Variants in CACNA2D3 observed in about 807,000 individuals in gnomAD.
CACNA2D3 encodes the protein voltage-dependent calcium channel subunit alpha-2/delta-3.
CACNA2D3 carries 60 observed loss-of-function variants against 160.6 expected under a neutral mutation model. That is an observed-to-expected ratio of 0.37 (90% CI 0.30 to 0.46). The LOEUF is 0.46. Ranked by LOEUF, CACNA2D3 falls within the 20% of genes least tolerant of loss-of-function variation. The probability of loss-of-function intolerance (pLI) is 1.00; values close to 1 mark genes in which losing one functional copy is unlikely to be tolerated. For synonymous variants in CACNA2D3, 558 were observed against 492.9 expected, an observed-to-expected ratio of 1.13 and a Z score of -1.75; for missense variants, 1,205 against 1,365.0, an observed-to-expected ratio of 0.88 and a Z score of 1.85.
chr3:54,935,084 T>C (rs1701296600), intron 27 of CACNA2D3, among the ~76,000 whole-genome samples: 2 of 152,184 alleles, frequency 1.3e-5, no homozygotes, highest in Admixed American at 1.3e-4. Flanking sequence ...GAACCTGTTT[T>C]CCATGAGAAG....
intron 35 of CACNA2D3, among the ~76,000 whole-genome samples, chr3:55,068,984 T>G (rs531811212): frequency 6.6e-6 from 1 of 152,342 alleles, no homozygotes; most frequent in East Asian, 1.9e-4. Flanking sequence ...GAGTATTCAT[T>G]TCTTCAGACT....
intron 27 of CACNA2D3, chr3:54,918,507 A>T (rs757337364): frequency 2.2e-5 from 36 of 1,613,794 alleles, no homozygotes. Flanking sequence ...CCTTCCCAGG[A>T]TCATTGGTTT....
chr3:54,437,189 G>A (rs1700074209), intron 4 of CACNA2D3, among the ~76,000 whole-genome samples: 1 of 152,156 alleles, frequency 6.6e-6, no homozygotes, highest in African/African-American at 2.4e-5. Context: ...ACTCTACATG[G>A]CATTCTGCAA....
intron 9 of CACNA2D3, among the ~76,000 whole-genome samples, chr3:54,585,050 A>G (rs886773951): frequency 9.2e-5 from 14 of 152,202 alleles, no homozygotes; most frequent in African/African-American, 3.4e-4. Flanking sequence ...GGAAATAAGG[A>G]AAGAAAGCTT....
chr3:54,667,248 T>C (rs1700084090), intron 11 of CACNA2D3, among the ~76,000 whole-genome samples: 1 of 152,170 alleles, frequency 6.6e-6, no homozygotes, highest in African/African-American at 2.4e-5. Context: ...AAATATAATG[T>C]TGGAACCCTA....
At chr3:54,493,496 T>C (rs1701149794) in intron 4 of CACNA2D3, among the ~76,000 whole-genome samples, 1 of 151,980 alleles carries the variant, frequency 6.6e-6, no homozygotes. Flanking sequence ...CCCCCACCTG[T>C]TTTTGTCTCT....
At chr3:54,527,182 T>C (rs188376215) in intron 5 of CACNA2D3, among the ~76,000 whole-genome samples, 18 of 152,354 alleles carry the variant, frequency 1.2e-4, no homozygotes, top group East Asian at 5.8e-4. Context: ...CTTACCAGCC[T>C]ACAGTTTAGA....
rs149271740 is a variant in CACNA2D3, at chr3:54,634,172, A to G, written c.1053+6296A>G. ...TCATTCACCAGTGGCCAGCCAGCAA[A>G]GCCAAGAGTAGCCACCATCCCTCCC... On this transcript the variant is annotated intron_variant, in intron 10 of 37. Transcript: ENST00000474759. Among the ~76,000 whole-genome samples the G allele has an allele frequency of 4.3e-4, 65 of 152,312 alleles. 1 individual carries two copies. In the East Asian group the frequency reaches 0.012, roughly 29 times the overall value.
In CACNA2D3 at chr3:54,736,037, A is replaced by ATG. The variant is rs1270406968; in HGVS notation, c.1168-16561_1168-16560insGT. Among the ~76,000 whole-genome samples, 44 of 47,178 alleles carry ATG rather than the reference A, an allele frequency of 9.3e-4. 1 individual carries two copies. The highest frequency in any genetic ancestry group is 2.8e-3 in the East Asian group (8 of 2,828). The allele number at this position is 47,178 out of a possible 152,430, so 31.0% of individuals were successfully genotyped here. On this transcript the variant is annotated intron_variant, in intron 11 of 37. Coordinates refer to ENST00000474759, the MANE Select transcript of CACNA2D3 (RefSeq NM_018398.3). ...TATATACACATACATATATATATGT[A>ATG]TATATATACACATACATATGTATGT...
At chr3:54,185,387 G>A (rs1477586428) in intron 2 of CACNA2D3, among the ~76,000 whole-genome samples, 1 of 151,984 alleles carries the variant, frequency 6.6e-6, no homozygotes, top group Non-Finnish European at 1.5e-5. Flanking sequence ...CACATTAAGG[G>A]CTCTTAGAAG....
rs527351754 is a variant in CACNA2D3 at position 55,033,820 on chromosome 3, A to C, written c.2987+15503A>C. Among the ~76,000 whole-genome samples the C allele has an allele frequency of 5.5e-4, 56 of 102,384 alleles. 4 individuals carry two copies. The South Asian group carries it at 0.015, about 27-fold the overall frequency. 67.2% of individuals were successfully genotyped at this position (102,384 alleles called of 152,430 possible). On this transcript the variant is annotated intron_variant, in intron 35 of 37. Transcript: ENST00000474759. ...TTTATATAATATGTATTATATATTA[A>C]ATATATTTAATATATAATATATATT...
intron 2 of CACNA2D3, among the ~76,000 whole-genome samples, chr3:54,271,285 C>G (rs1364714484): frequency 1.3e-5 from 2 of 152,046 alleles, no homozygotes; most frequent in Non-Finnish European, 2.9e-5. Flanking sequence ...ACTCTGCCTT[C>G]CGCTCACAGA....
chr3:54,574,146 G>A (rs1285168529), intron 8 of CACNA2D3, among the ~76,000 whole-genome samples: 2 of 152,076 alleles, frequency 1.3e-5, no homozygotes, highest in Non-Finnish European at 2.9e-5. Context: ...TCCTTTGCTT[G>A]CCGGGTAGAT....
intron 3 of CACNA2D3, among the ~76,000 whole-genome samples, chr3:54,332,364 C>T (rs1052312270): frequency 6.6e-6 from 1 of 152,198 alleles, no homozygotes; most frequent in African/African-American, 2.4e-5. Flanking sequence ...GAGTTGTTAG[C>T]ATTTAAAAAG....
intron 11 of CACNA2D3, among the ~76,000 whole-genome samples, chr3:54,719,588 CAG>C: frequency 6.6e-6 from 1 of 152,102 alleles, no homozygotes; most frequent in East Asian, 1.9e-4. Context: ...TGTGTCAAGA[CAG>C]ATACTGGTCT....
intron 12 of CACNA2D3, among the ~76,000 whole-genome samples, chr3:54,763,778 T>TACATATATATAC (rs1702145337): frequency 1.3e-4 from 3 of 23,810 alleles, no homozygotes; most frequent in Admixed American, 4.6e-4. Context: ...TGTATATATG[T>TACATATATATAC]ACATATATAT....
At chr3:54,565,429 G>A (rs1702394184) in intron 6 of CACNA2D3, among the ~76,000 whole-genome samples, 1 of 152,154 alleles carries the variant, frequency 6.6e-6, no homozygotes, top group South Asian at 2.1e-4. Flanking sequence ...GCGTGATGAT[G>A]ATGTCCATTT....
chr3:54,714,942 G>T (rs1701024017), intron 11 of CACNA2D3, among the ~76,000 whole-genome samples: 2 of 152,136 alleles, frequency 1.3e-5, no homozygotes, highest in Non-Finnish European at 2.9e-5. Flanking sequence ...TGTGATCCTG[G>T]ATGTCTGAGT....
At chr3:54,532,165 T>A (rs1701816246) in intron 5 of CACNA2D3, among the ~76,000 whole-genome samples, 1 of 152,172 alleles carries the variant, frequency 6.6e-6, no homozygotes, top group African/African-American at 2.4e-5. Flanking sequence ...TGTGTCTTTG[T>A]AGAAAAAGGA....
Sources: allele counts gnomAD v4.1 joint callset (sites outside exome capture counted in the v4.1 genomes callset), GRCh38; gene constraint gnomAD v4.1.1; transcripts MANE v1.5; gene names NCBI Gene and HGNC (gene_info 2026-07-23, HGNC 2026-07-21).